SGCD: variants seen among roughly 807,000 people sequenced by gnomAD.
SGCD encodes sarcoglycan delta.
Under a neutral mutation model 36.6 loss-of-function variants are expected in SGCD, and 18 were observed. That is an observed-to-expected ratio of 0.49 (90% confidence interval 0.34 to 0.73). The LOEUF (loss-of-function observed/expected upper bound fraction) is 0.73, where lower values mean the gene tolerates loss of function less well. Among genes scored for constraint, SGCD ranks in the 30% least tolerant of loss-of-function variants. The probability of loss-of-function intolerance (pLI) is 0.01; values close to 1 mark genes in which losing one functional copy is unlikely to be tolerated. For synonymous variants in SGCD, 133 were observed against 130.6 expected, an observed-to-expected ratio of 1.02 and a Z score of -0.12; for missense variants, 387 against 346.7, an observed-to-expected ratio of 1.12 and a Z score of -0.92.
the SGCD span, among the ~76,000 whole-genome samples, chr5:155,733,951 T>C: frequency 3.3e-5 from 5 of 151,956 alleles, no homozygotes; most frequent in African/African-American, 9.7e-5. Flanking sequence ...TTTACTGCTT[T>C]TTGTTAAATA....
intron 1 of SGCD, among the ~76,000 whole-genome samples, chr5:155,918,540 G>A (rs1284316376): frequency 2.0e-5 from 3 of 152,170 alleles, no homozygotes; most frequent in African/African-American, 7.2e-5. Context: ...TGTAGCCTGG[G>A]GGACAGGGTG....
At chr5:156,444,671 G>T (rs751105769) in intron 3 of SGCD, among the ~76,000 whole-genome samples, 1 of 152,030 alleles carries the variant, frequency 6.6e-6, no homozygotes, top group African/African-American at 2.4e-5. Context: ...GTTCTGTCCT[G>T]AAACTACCAT....
chr5:155,874,862 G>A (rs534526442), intron 1 of SGCD, among the ~76,000 whole-genome samples: 80 of 152,148 alleles, frequency 5.3e-4, no homozygotes, highest in African/African-American at 1.9e-3. Context: ...AACAGTTTTC[G>A]AAGAAGTTAA....
At chr5:156,585,896 A>G (rs1249667629) in intron 4 of SGCD, among the ~76,000 whole-genome samples, 1 of 152,170 alleles carries the variant, frequency 6.6e-6, no homozygotes, top group Non-Finnish European at 1.5e-5. Context: ...ATAGTTTTAT[A>G]TGTACCATAA....
chr5:155,771,067 A>AGTGAC, the SGCD span, among the ~76,000 whole-genome samples: 6,701 of 152,054 alleles, frequency 0.044, 196 homozygotes, highest in Middle Eastern at 0.13. Flanking sequence ...CCAAAAGTAT[A>AGTGAC]TGTATTTGTA....
At chr5:155,915,508 A>G (rs1756717378) in intron 1 of SGCD, among the ~76,000 whole-genome samples, 1 of 152,218 alleles carries the variant, frequency 6.6e-6, no homozygotes. Flanking sequence ...TGAATGCAGG[A>G]TGAAATCCAT....
chr5:155,872,476 A>T (rs573487929), intron 1 of SGCD, among the ~76,000 whole-genome samples: 1 of 152,192 alleles, frequency 6.6e-6, no homozygotes, highest in African/African-American at 2.4e-5. Flanking sequence ...TACTTTTAAA[A>T]ATCCAATAAC....
Position 156,767,231 on chromosome 5 carries a change from A to C in SGCD, c.*7841A>C, listed in dbSNP as rs562945681. ...GCACATCTAAATTTAGTGAACACAA[A>C]ATTAATTTTTATCTAGTCTGTGACG... is the stretch of plus-strand genomic sequence containing the variant. On this transcript the variant is annotated 3_prime_UTR_variant, in exon 9 of 9. Coordinates refer to ENST00000337851, the MANE Select transcript of SGCD (RefSeq NM_000337.6). The C allele has an allele frequency of 6.6e-6, 1 of 152,236 alleles. No homozygotes were observed. Among genetic ancestry groups the C allele is most frequent in the South Asian group, 2.1e-4 (1 of 4,824 alleles). 9.4% of individuals were successfully genotyped at this position (152,236 alleles called of 1,614,324 possible).
chr5:156,452,102 A>G (rs1171070695), intron 3 of SGCD, among the ~76,000 whole-genome samples: 1 of 152,074 alleles, frequency 6.6e-6, no homozygotes, highest in East Asian at 1.9e-4. Flanking sequence ...TGTGCTGGTC[A>G]CCCCATGTAG....
intron 4 of SGCD, among the ~76,000 whole-genome samples, chr5:156,550,162 C>G (rs747544048): frequency 3.3e-5 from 5 of 152,142 alleles, no homozygotes; most frequent in Admixed American, 6.5e-5. Context: ...ACTGCTACCT[C>G]TGATAAACAT....
chr5:156,537,720 T>C (rs911864850), intron 4 of SGCD, among the ~76,000 whole-genome samples: 6 of 152,156 alleles, frequency 3.9e-5, no homozygotes, highest in Admixed American at 3.9e-4. Context: ...TCTCTGACTT[T>C]CATAGTAAAG....
At chr5:156,225,921 A>T (rs1764844354) in intron 3 of SGCD, among the ~76,000 whole-genome samples, 1 of 152,140 alleles carries the variant, frequency 6.6e-6, no homozygotes, top group Non-Finnish European at 1.5e-5. Context: ...GGATTTACAC[A>T]GATGCATGAT....
chr5:156,546,599 C>T (rs1240225774), intron 4 of SGCD, among the ~76,000 whole-genome samples: 1 of 122,346 alleles, frequency 8.2e-6, no homozygotes, highest in African/African-American at 3.0e-5. Context: ...GACCCTCATG[C>T]TATAGAAGGA....
rs1425057452 is a variant in SGCD, at chr5:156,760,291, C to CA, written c.*903dup. Reference sequence around the variant, plus strand: ...ACTTCTGACTTTAACCAAAAGATTTCAACCCACAATGATCAGGTCAATCAA... The same window carrying CA: ...ACTTCTGACTTTAACCAAAAGATTTCAAACCCACAATGATCAGGTCAATCAA... On this transcript the variant is annotated 3_prime_UTR_variant, in exon 9 of 9. Coordinates refer to ENST00000337851, the MANE Select transcript of SGCD (RefSeq NM_000337.6). The CA allele has an allele frequency of 6.6e-6, 1 of 152,176 alleles. No homozygotes were observed. The highest frequency in any genetic ancestry group is 2.4e-5 in the African/African-American group (1 of 41,438). 9.4% of individuals were successfully genotyped at this position (152,176 alleles called of 1,614,324 possible).
chr5:156,558,093 A>G (rs1372389506), intron 4 of SGCD, among the ~76,000 whole-genome samples: 6 of 54,486 alleles, frequency 1.1e-4, no homozygotes, highest in Admixed American at 3.7e-4. Context: ...ATACAAATAT[A>G]TATATATATA....
At chr5:156,108,890 G>T (rs995220346) in intron 1 of SGCD, among the ~76,000 whole-genome samples, 1 of 152,116 alleles carries the variant, frequency 6.6e-6, no homozygotes, top group South Asian at 2.1e-4. Flanking sequence ...AATACATAAA[G>T]AGTCCATAGA....
chr5:155,943,696 T>C (rs1757379812), intron 1 of SGCD, among the ~76,000 whole-genome samples: 1 of 152,122 alleles, frequency 6.6e-6, no homozygotes, highest in African/African-American at 2.4e-5. Flanking sequence ...CAGTTCCTCT[T>C]TGGGGGTTGC....
At chr5:156,083,494 C>T (rs1166449444) in intron 1 of SGCD, among the ~76,000 whole-genome samples, 2 of 151,466 alleles carry the variant, frequency 1.3e-5, no homozygotes, top group East Asian at 1.9e-4. Context: ...AGGGTTTCTC[C>T]GTGTTGGTCA....
intron 3 of SGCD, among the ~76,000 whole-genome samples, chr5:156,230,764 T>C (rs1362143695): frequency 1.3e-5 from 2 of 152,194 alleles, no homozygotes; most frequent in East Asian, 3.8e-4. Flanking sequence ...GATCCACCAC[T>C]ATATCTCAGC....
Sources: gnomAD v4.1 joint callset for allele counts (sites outside exome capture counted in the v4.1 genomes callset) on GRCh38, gnomAD v4.1.1 for gene constraint, MANE v1.5 for transcripts, NCBI Gene and HGNC (gene_info 2026-07-23, HGNC 2026-07-21) for gene names.